NELL1: variants seen among roughly 807,000 people sequenced by gnomAD.
NELL1 encodes protein kinase C-binding protein NELL1.
Under a neutral mutation model 107.4 loss-of-function variants are expected in NELL1, and 76 were observed. The observed-to-expected ratio is 0.71, with a 90% CI of 0.59 to 0.86. The LOEUF (loss-of-function observed/expected upper bound fraction) is 0.86, where lower values mean the gene tolerates loss of function less well. Among genes scored for constraint, NELL1 ranks in the 40% least tolerant of loss-of-function variants. The pLI is 0.00. For missense variants in NELL1, 1,024 were observed against 1,005.5 expected (o/e 1.02, Z -0.25); for synonymous variants, 353 against 341.2 (o/e 1.03, Z -0.38).
At chr11:21,375,147 C>A (rs1353122506) in intron 15 of NELL1, among the ~76,000 whole-genome samples, 1 of 151,970 alleles carries the variant, frequency 6.6e-6, no homozygotes, top group African/African-American at 2.4e-5. Context: ...GATGAGTAAT[C>A]CTGTCACTTA....
At chr11:21,011,793 T>C (rs1393006692) in intron 12 of NELL1, among the ~76,000 whole-genome samples, 1 of 152,140 alleles carries the variant, frequency 6.6e-6, no homozygotes, top group Non-Finnish European at 1.5e-5. Context: ...CACAGGCCTG[T>C]GAGCTCCCTC....
intron 14 of NELL1, among the ~76,000 whole-genome samples, chr11:21,243,925 A>G (rs1334314107): frequency 2.0e-5 from 3 of 152,124 alleles, no homozygotes; most frequent in Non-Finnish European, 4.4e-5. Flanking sequence ...CACCCTTAAA[A>G]TGAAATGGTA....
At chr11:20,980,421 T>C (rs1283400570) in intron 12 of NELL1, among the ~76,000 whole-genome samples, 1 of 152,136 alleles carries the variant, frequency 6.6e-6, no homozygotes, top group Non-Finnish European at 1.5e-5. Context: ...TTCTTGAATG[T>C]GGTGAGCTGC....
chr11:20,872,097 G>A (rs890927328), intron 4 of NELL1, among the ~76,000 whole-genome samples: 2 of 150,812 alleles, frequency 1.3e-5, no homozygotes, highest in South Asian at 4.2e-4. Context: ...TCCTGTGGCT[G>A]GGGCAGGAGC....
At chr11:20,802,978 G>A (rs1027028603) in intron 3 of NELL1, among the ~76,000 whole-genome samples, 1 of 152,054 alleles carries the variant, frequency 6.6e-6, no homozygotes, top group Non-Finnish European at 1.5e-5. Flanking sequence ...CTAGTATTTT[G>A]TTGAGGATTT....
chr11:20,723,076 C>T (rs1297582240), intron 2 of NELL1, among the ~76,000 whole-genome samples: 4 of 152,080 alleles, frequency 2.6e-5, no homozygotes, highest in Admixed American at 6.6e-5. Flanking sequence ...ATGATCCAGT[C>T]GCCTCCCCTG....
intron 13 of NELL1, among the ~76,000 whole-genome samples, chr11:21,133,128 G>T (rs1855663211): frequency 6.6e-6 from 1 of 152,142 alleles, no homozygotes; most frequent in South Asian, 2.1e-4. Context: ...CAGCTTAAGA[G>T]AAGACCTGTG....
intron 12 of NELL1, among the ~76,000 whole-genome samples, chr11:20,987,959 A>G (rs1240109332): frequency 2.0e-5 from 3 of 152,176 alleles, no homozygotes; most frequent in East Asian, 3.8e-4. Context: ...TTCCTAGTTA[A>G]TAGAAAAGAA....
chr11:21,044,049 A>G (rs561246566), intron 12 of NELL1, among the ~76,000 whole-genome samples: 80 of 152,246 alleles, frequency 5.3e-4, no homozygotes, highest in African/African-American at 1.8e-3. Context: ...GACATTTGAA[A>G]CCATAAAAAT....
At chr11:20,965,041 A>G (rs1590471271) in intron 12 of NELL1, among the ~76,000 whole-genome samples, 2 of 152,284 alleles carry the variant, frequency 1.3e-5, no homozygotes, top group South Asian at 4.1e-4. Context: ...CCCTGAATTA[A>G]TGGATCCAAC....
At chr11:20,889,272 A>G (rs1008876839) in intron 5 of NELL1, among the ~76,000 whole-genome samples, 4 of 152,360 alleles carry the variant, frequency 2.6e-5, no homozygotes, top group Middle Eastern at 6.8e-3. Flanking sequence ...TCACAAAAGG[A>G]TAACAAACTG....
chr11:21,529,368 T>C (rs114397330), intron 15 of NELL1, among the ~76,000 whole-genome samples: 2 of 152,250 alleles, frequency 1.3e-5, no homozygotes, highest in East Asian at 3.9e-4. Flanking sequence ...TCCAGGCACA[T>C]CCCTAAGAAC....
chr11:21,236,548 C>G (rs1226068242), intron 14 of NELL1, among the ~76,000 whole-genome samples: 3 of 152,116 alleles, frequency 2.0e-5, no homozygotes, highest in African/African-American at 7.2e-5. Flanking sequence ...CTGTTGCATA[C>G]AGAAAATTTA....
At chr11:20,810,056 G>T (rs1163642752) in intron 3 of NELL1, among the ~76,000 whole-genome samples, 1 of 151,418 alleles carries the variant, frequency 6.6e-6, no homozygotes, top group Non-Finnish European at 1.5e-5. Context: ...AGTATCCATT[G>T]TATCTCATTG....
chr11:20,897,474 A>G (rs1427441568), intron 5 of NELL1, among the ~76,000 whole-genome samples: 4 of 152,242 alleles, frequency 2.6e-5, no homozygotes, highest in Non-Finnish European at 5.9e-5. Context: ...AAGAAAACCT[A>G]GGCAATACCA....
At chr11:21,253,956 G>C (rs1215686259) in intron 14 of NELL1, among the ~76,000 whole-genome samples, 2 of 152,102 alleles carry the variant, frequency 1.3e-5, no homozygotes, top group African/African-American at 4.8e-5. Flanking sequence ...GTTTGAAGAA[G>C]TTATTTTTAA....
At chr11:21,313,021 A>G (rs766111347) in intron 14 of NELL1, among the ~76,000 whole-genome samples, 1 of 151,652 alleles carries the variant, frequency 6.6e-6, no homozygotes, top group Non-Finnish European at 1.5e-5. Context: ...GATTGCAATG[A>G]GCCAAGATCA....
rs549329872 is a variant in NELL1 at position 21,215,450 on chromosome 11, A to C, written c.1427-13882A>C. 2.0e-5 allele frequency among the ~76,000 whole-genome samples: 3 copies of C among 152,306 alleles called. No individual in the cohort carries two copies. The South Asian group carries it at 6.2e-4, about 32-fold the overall frequency. On this transcript the variant is annotated intron_variant, in intron 13 of 19. Transcript: ENST00000357134. ...AGGTGCTGGTATAAGGATACCCAAA[A>C]ATGTGGAAGTGACTTTGGAACTGGG...
At chr11:20,997,495 G>A (rs1200086422) in intron 12 of NELL1, among the ~76,000 whole-genome samples, 1 of 152,144 alleles carries the variant, frequency 6.6e-6, no homozygotes, top group East Asian at 1.9e-4. Flanking sequence ...AAAATCTGTG[G>A]AATATGAATA....
Sources: gnomAD v4.1 joint callset for allele counts (sites outside exome capture counted in the v4.1 genomes callset) on GRCh38, gnomAD v4.1.1 for gene constraint, MANE v1.5 for transcripts, NCBI Gene and HGNC (gene_info 2026-07-23, HGNC 2026-07-21) for gene names.